The following LPAR1 variants were observed in gnomAD, a reference collection of about 807,000 sequenced individuals.
LPAR1 encodes lysophosphatidic acid receptor 1, also known as LPA receptor 1.
Under a neutral mutation model 23.8 loss-of-function variants are expected in LPAR1, and 5 were observed. That is an observed-to-expected ratio of 0.21 (90% confidence interval 0.11 to 0.44). The LOEUF is 0.44. LPAR1 is among the 20% of genes least tolerant of loss of function. The probability of loss-of-function intolerance (pLI) is 0.99; values close to 1 mark genes in which losing one functional copy is unlikely to be tolerated. For synonymous variants in LPAR1, 160 were observed against 164.7 expected (o/e 0.97, Z 0.22); for missense variants, 311 against 482.8 (o/e 0.64, Z 3.33).
chr9:110,972,214 T>C lies in LPAR1; in HGVS notation c.-97A>G. Reference sequence around the variant, plus strand: ...AGATCGAAGTCATGCTAGGAGAAGCTGTGTACCTGGAAAACAACAGGAAAA... The same window carrying C: ...AGATCGAAGTCATGCTAGGAGAAGCCGTGTACCTGGAAAACAACAGGAAAA... On this transcript the variant is annotated 5_prime_UTR_variant, in exon 4 of 6. Coordinates refer to ENST00000683809, the MANE Select transcript of LPAR1 (RefSeq NM_001351411.2). 3 of 1,078,976 alleles carry C rather than the reference T, an allele frequency of 2.8e-6. No individual in the cohort carries two copies. 66.8% of individuals were successfully genotyped at this position (1,078,976 alleles called of 1,614,324 possible).
At chr9:110,922,824 A>ATTATATTATTAT (rs1554786500) in intron 5 of LPAR1, among the ~76,000 whole-genome samples, 1 of 142,242 alleles carries the variant, frequency 7.0e-6, no homozygotes, top group Non-Finnish European at 1.5e-5. Context: ...TCTTATTATT[A>ATTATATTATTAT]TATTATTATT....
Position 111,006,797 on chromosome 9 carries a change from G to C in LPAR1, c.-182+29325C>G, listed in dbSNP as rs1471487054. Reference sequence around the variant, plus strand: ...CACAGATTGAGAGGAGGCTATTTTAGCATAAGGCCAAAGAAAAGACTGATA... The same window carrying C: ...CACAGATTGAGAGGAGGCTATTTTACCATAAGGCCAAAGAAAAGACTGATA... On this transcript the variant is annotated intron_variant, in intron 2 of 5. Transcript: ENST00000683809. Among the ~76,000 whole-genome samples, 4 of 152,134 alleles carry C rather than the reference G, an allele frequency of 2.6e-5. No individual in the cohort carries two copies. The South Asian group carries it at 6.2e-4, about 24-fold the overall frequency.
intron 5 of LPAR1, among the ~76,000 whole-genome samples, chr9:110,913,612 A>C (rs2092724667): frequency 6.6e-6 from 1 of 152,164 alleles, no homozygotes; most frequent in African/African-American, 2.4e-5. Flanking sequence ...TAATAATCAG[A>C]GTAGACCAGC....
At position 110,907,851 on chromosome 9, in the gene LPAR1, T is replaced by G. The variant is rs182100880; in HGVS notation, c.794-32129A>C. On this transcript the variant is annotated intron_variant, in intron 5 of 5. Coordinates refer to ENST00000683809, the MANE Select transcript of LPAR1 (RefSeq NM_001351411.2). ...GGCTTACTATTCAAAGAACAGTAAT[T>G]TGATTTACATCGGTTTAATTGTTCT... Among the ~76,000 whole-genome samples the G allele has an allele frequency of 3.0e-3, 452 of 151,944 alleles. 3 individuals are homozygous for G. The highest frequency in any genetic ancestry group is 2.9e-3 in the Non-Finnish European group (194 of 67,946).
Position 110,951,113 on chromosome 9 carries a change from G to A in LPAR1, c.46-8945C>T, listed in dbSNP as rs370725911. Among the ~76,000 whole-genome samples, 55 of 152,184 alleles carry A rather than the reference G, an allele frequency of 3.6e-4. No individual in the cohort carries two copies. The East Asian group carries it at 8.7e-3, about 24-fold the overall frequency. Reference sequence around the variant, plus strand: ...TTTACCCATCAATTGAGAAAATGACGTATCTGTTCATTCATGTAATAATAC... The same window carrying A: ...TTTACCCATCAATTGAGAAAATGACATATCTGTTCATTCATGTAATAATAC... On this transcript the variant is annotated intron_variant, in intron 4 of 5. Coordinates refer to ENST00000683809, the MANE Select transcript of LPAR1 (RefSeq NM_001351411.2).
intron 5 of LPAR1, among the ~76,000 whole-genome samples, chr9:110,889,959 A>T (rs1358447504): frequency 6.6e-6 from 1 of 152,236 alleles, no homozygotes; most frequent in Non-Finnish European, 1.5e-5. Context: ...TAACGTCCCC[A>T]AAAGCAAAAA....
At chr9:110,974,602 C>G (rs910917741) in intron 2 of LPAR1, among the ~76,000 whole-genome samples, 4 of 152,174 alleles carry the variant, frequency 2.6e-5, no homozygotes, top group African/African-American at 9.7e-5. Context: ...TTTCTTCTCC[C>G]ATTACAGCAA....
At chr9:110,905,809 G>A (rs546919420) in intron 5 of LPAR1, among the ~76,000 whole-genome samples, 1 of 152,306 alleles carries the variant, frequency 6.6e-6, no homozygotes, top group African/African-American at 2.4e-5. Context: ...TCCCTAGACA[G>A]ATAGTGGTGA....
intron 5 of LPAR1, among the ~76,000 whole-genome samples, chr9:110,916,824 A>G (rs892557494): frequency 1.3e-5 from 2 of 152,116 alleles, no homozygotes; most frequent in Non-Finnish European, 2.9e-5. Flanking sequence ...CAAAGATAAT[A>G]TTTTTTAAAC....
chr9:110,948,879 C>T (rs2095477251), intron 4 of LPAR1, among the ~76,000 whole-genome samples: 1 of 148,504 alleles, frequency 6.7e-6, no homozygotes, highest in South Asian at 2.1e-4. Flanking sequence ...CTAGCAGTCT[C>T]TAAGATCTTC....
At chr9:110,916,753 TA>T (rs982454018) in intron 5 of LPAR1, among the ~76,000 whole-genome samples, 1 of 151,956 alleles carries the variant, frequency 6.6e-6, no homozygotes, top group Non-Finnish European at 1.5e-5. Flanking sequence ...AACCACCCCC[TA>T]AAAAAACTCC....
Position 110,921,668 on chromosome 9 carries a change from T to C in LPAR1, c.793+19753A>G, listed in dbSNP as rs1490832761. On this transcript the variant is annotated intron_variant, in intron 5 of 5. Coordinates refer to ENST00000683809, the MANE Select transcript of LPAR1 (RefSeq NM_001351411.2). ...GTTTCAAATACATTTTCCGGGTTGA[T>C]ACTCCAAGAAAAGGAGCGATGAGAT... is the stretch of plus-strand genomic sequence containing the variant. Among the ~76,000 whole-genome samples, 3 of 152,330 alleles carry C rather than the reference T, an allele frequency of 2.0e-5. No individual in the cohort carries two copies. In the South Asian group the frequency reaches 6.2e-4, roughly 32 times the overall value.
At position 110,916,372 on chromosome 9, in the gene LPAR1, T is replaced by C. The variant is rs562949137; in HGVS notation, c.793+25049A>G. On this transcript the variant is annotated intron_variant, in intron 5 of 5. Coordinates refer to ENST00000683809, the MANE Select transcript of LPAR1 (RefSeq NM_001351411.2). ...TTTGTTCTTAGCCACTATGCTATAT[T>C]GGCACAAGAAAAAAATACACTGGAT... 4.6e-5 allele frequency among the ~76,000 whole-genome samples: 7 copies of C among 152,318 alleles called. No individual in the cohort carries two copies. The South Asian group carries it at 1.5e-3, about 32-fold the overall frequency.
At chr9:111,010,073 T>C (rs953081377) in intron 2 of LPAR1, among the ~76,000 whole-genome samples, 8 of 140,634 alleles carry the variant, frequency 5.7e-5, no homozygotes, top group Admixed American at 2.9e-4. Context: ...CAGTTGGCCA[T>C]AGAATTGTAT....
At chr9:110,940,230 T>C (rs1453631563) in intron 5 of LPAR1, among the ~76,000 whole-genome samples, 1 of 152,222 alleles carries the variant, frequency 6.6e-6, no homozygotes, top group Non-Finnish European at 1.5e-5. Flanking sequence ...CTGAAAATGA[T>C]GTCCATGATG....
intron 2 of LPAR1, among the ~76,000 whole-genome samples, chr9:111,019,889 A>AT (rs1037521083): frequency 5.3e-5 from 8 of 152,032 alleles, no homozygotes; most frequent in African/African-American, 1.7e-4. Context: ...AAAAAAATTT[A>AT]TTTTCTCATA....
At chr9:110,934,367 G>A (rs905521250) in intron 5 of LPAR1, 1 of 151,846 alleles carries the variant, frequency 6.6e-6, no homozygotes, top group African/African-American at 2.4e-5. Context: ...CTTTAATGGG[G>A]GATAGTGCAT....
chr9:110,922,344 T>C (rs1190563295), intron 5 of LPAR1, among the ~76,000 whole-genome samples: 1 of 152,158 alleles, frequency 6.6e-6, no homozygotes, highest in Non-Finnish European at 1.5e-5. Flanking sequence ...TTCCTTTCAA[T>C]GACATCATGT....
At chr9:110,983,040 C>A (rs1367405038) in intron 2 of LPAR1, among the ~76,000 whole-genome samples, 3 of 152,066 alleles carry the variant, frequency 2.0e-5, no homozygotes, top group Non-Finnish European at 4.4e-5. Context: ...TGTGAACAAA[C>A]TGGAACCCAG....
Sources: gnomAD v4.1 joint callset for allele counts (sites outside exome capture counted in the v4.1 genomes callset) on GRCh38, gnomAD v4.1.1 for gene constraint, MANE v1.5 for transcripts, NCBI Gene and HGNC (gene_info 2026-07-23, HGNC 2026-07-21) for gene names.